Variants in FAM168A observed in about 807,000 individuals in gnomAD.
The protein encoded by FAM168A is family with sequence similarity 168 member A, also known as protein FAM168A.
Under a neutral mutation model 28.5 loss-of-function variants are expected in FAM168A, and 3 were observed. The ratio of observed to expected loss-of-function variants is 0.11; its 90% confidence interval spans 0.05 to 0.27. FAM168A has a LOEUF of 0.27. Ranked by LOEUF, FAM168A falls within the 10% of genes least tolerant of loss-of-function variation. The pLI is 1.00. For synonymous variants in FAM168A, 122 were observed against 124.2 expected, an observed-to-expected ratio of 0.98 and a Z score of 0.12; for missense variants, 222 against 311.5, an observed-to-expected ratio of 0.71 and a Z score of 2.16.
chr11:73,429,673 T>C (rs1866949705), intron 3 of FAM168A, among the ~76,000 whole-genome samples: 1 of 152,190 alleles, frequency 6.6e-6, no homozygotes, highest in Non-Finnish European at 1.5e-5. Context: ...CTCCACTCTC[T>C]GAAGCTTCCC....
intron 1 of FAM168A, among the ~76,000 whole-genome samples, chr11:73,523,115 AAAG>A (rs1412383571): frequency 1.3e-5 from 2 of 152,192 alleles, no homozygotes; most frequent in South Asian, 2.1e-4. Flanking sequence ...CAAACACTCC[AAAG>A]AAGGTTTCTG....
At position 73,405,372 on chromosome 11, in the gene FAM168A, C is replaced by T. The variant is rs1866486641; in HGVS notation, c.*1391G>A. 2 of 152,192 alleles carry T rather than the reference C, an allele frequency of 1.3e-5. No individual in the cohort carries two copies. The highest frequency in any genetic ancestry group is 4.8e-5 in the African/African-American group (2 of 41,434). 9.4% of individuals were successfully genotyped at this position (152,192 alleles called of 1,614,324 possible). A position where few individuals can be genotyped will look rare whatever the true frequency, so the allele number is the denominator to read the frequency against. ...CAGAAACAGGAGCCCAGAGACCATT[C>T]CAGACTCACCAGGTATGGGCGCTGC... On this transcript the variant is annotated 3_prime_UTR_variant, in exon 8 of 8. Transcript: ENST00000356467.
At chr11:73,447,245 C>A (rs12787393) in intron 2 of FAM168A, among the ~76,000 whole-genome samples, 4,794 of 152,158 alleles carry the variant, frequency 0.032, 120 homozygotes, top group Middle Eastern at 0.078. Flanking sequence ...TATCAAATTA[C>A]ATTTCCAGTT....
At chr11:73,442,442 A>G (rs1203977391) in intron 2 of FAM168A, among the ~76,000 whole-genome samples, 1 of 152,014 alleles carries the variant, frequency 6.6e-6, no homozygotes, top group Admixed American at 6.6e-5. Context: ...TTTTTAATGT[A>G]AGCACTTACA....
chr11:73,558,568 T>C (rs1450112206), intron 1 of FAM168A, among the ~76,000 whole-genome samples: 4 of 148,772 alleles, frequency 2.7e-5, no homozygotes, highest in Admixed American at 6.7e-5. Flanking sequence ...ATCCGGACTA[T>C]ATAAGGAACT....
intron 7 of FAM168A, 140 bp downstream of exon 7, chr11:73,407,373 C>A: frequency 1.9e-6 from 1 of 531,464 alleles, no homozygotes; most frequent in Non-Finnish European, 3.3e-6. Context: ...TATTATGGAC[C>A]TTGGAGCAGG....
At chr11:73,523,599 A>G (rs1943412535) in intron 1 of FAM168A, among the ~76,000 whole-genome samples, 1 of 152,058 alleles carries the variant, frequency 6.6e-6, no homozygotes, top group South Asian at 2.1e-4. Flanking sequence ...AACTTTTAGC[A>G]CCATGCCTGG....
chr11:73,500,833 TAAC>T (rs2134623382), intron 1 of FAM168A, among the ~76,000 whole-genome samples: 1 of 152,138 alleles, frequency 6.6e-6, no homozygotes, highest in African/African-American at 2.4e-5. Context: ...AATTCACACA[TAAC>T]AATATTAACC....
intron 1 of FAM168A, among the ~76,000 whole-genome samples, chr11:73,484,132 C>A (rs1868006173): frequency 6.6e-6 from 1 of 152,154 alleles, no homozygotes; most frequent in Non-Finnish European, 1.5e-5. Flanking sequence ...TTATCTTATG[C>A]CACTTCCAGC....
chr11:73,428,872 T>C (rs544856077), intron 3 of FAM168A, among the ~76,000 whole-genome samples: 8 of 152,202 alleles, frequency 5.3e-5, no homozygotes, highest in Non-Finnish European at 1.2e-4. Context: ...TTCCTCAAGT[T>C]TGAATCATCT....
intron 1 of FAM168A, among the ~76,000 whole-genome samples, chr11:73,566,063 A>T (rs935235946): frequency 9.2e-5 from 14 of 152,232 alleles, no homozygotes; most frequent in African/African-American, 3.1e-4. Context: ...CCATATTTCA[A>T]GCTTTATTAC....
chr11:73,443,462 C>T (rs1054351493), intron 2 of FAM168A, among the ~76,000 whole-genome samples: 7 of 152,076 alleles, frequency 4.6e-5, no homozygotes, highest in African/African-American at 1.4e-4. Flanking sequence ...GAGATATAAG[C>T]GTTGTGAGAG....
chr11:73,466,175 T>C (rs1867733310), intron 2 of FAM168A, among the ~76,000 whole-genome samples: 1 of 152,202 alleles, frequency 6.6e-6, no homozygotes, highest in African/African-American at 2.4e-5. Context: ...TGACCCCCTG[T>C]ACTTTTGCCC....
intron 2 of FAM168A, among the ~76,000 whole-genome samples, chr11:73,449,248 G>A (rs940588251): frequency 5.3e-5 from 8 of 152,176 alleles, no homozygotes; most frequent in African/African-American, 1.9e-4. Context: ...GGGATTACAG[G>A]CATGAGGCAC....
intron 1 of FAM168A, among the ~76,000 whole-genome samples, chr11:73,565,297 G>A (rs183805574): frequency 1.6e-4 from 24 of 152,212 alleles, no homozygotes; most frequent in Non-Finnish European, 1.3e-4. Flanking sequence ...CACTATATGC[G>A]TAACGGCTGA....
At chr11:73,581,269 G>A (rs183203530) in intron 1 of FAM168A, among the ~76,000 whole-genome samples, 40 of 152,306 alleles carry the variant, frequency 2.6e-4, no homozygotes, top group Non-Finnish European at 5.0e-4. Flanking sequence ...CACATGTCCT[G>A]TCTGAAATGC....
At chr11:73,561,289 C>A (rs1218769453) in intron 1 of FAM168A, among the ~76,000 whole-genome samples, 2 of 151,510 alleles carry the variant, frequency 1.3e-5, no homozygotes, top group Non-Finnish European at 2.9e-5. Flanking sequence ...GCAGGAGAAT[C>A]GCTTCAACCT....
At chr11:73,578,345 T>A (rs1944200665) in intron 1 of FAM168A, among the ~76,000 whole-genome samples, 1 of 152,136 alleles carries the variant, frequency 6.6e-6, no homozygotes, top group South Asian at 2.1e-4. Context: ...TGGGAGGTGA[T>A]GGATATGTTC....
intron 1 of FAM168A, among the ~76,000 whole-genome samples, chr11:73,492,320 A>G (rs115213805): frequency 1.6e-3 from 245 of 152,290 alleles, no homozygotes; most frequent in African/African-American, 5.8e-3. Flanking sequence ...AGCAAATATG[A>G]CATTCATATC....
Sources: gnomAD v4.1 joint callset for allele counts (sites outside exome capture counted in the v4.1 genomes callset) on GRCh38, gnomAD v4.1.1 for gene constraint, MANE v1.5 for transcripts, NCBI Gene and HGNC (gene_info 2026-07-23, HGNC 2026-07-21) for gene names.